The following RAB38 variants were observed in gnomAD, a reference collection of about 807,000 sequenced individuals.
RAB38 encodes RAB38, member RAS oncogene family.
A neutral mutation model predicts 18.4 loss-of-function variants in RAB38; 15 were observed. The observed-to-expected ratio is 0.82, with a 90% CI of 0.55 to 1.26. The LOEUF is 1.26. Ranked by LOEUF, RAB38 falls within the 50% of genes most tolerant of loss-of-function variation. RAB38 has a pLI of 0.00. For missense variants in RAB38, 294 were observed against 267.4 expected (o/e 1.10, Z -0.69); for synonymous variants, 101 against 104.4 (o/e 0.97, Z 0.20).
chr11:88,076,675 G>A, the RAB38 span, among the ~76,000 whole-genome samples: 1 of 151,896 alleles, frequency 6.6e-6, no homozygotes, highest in South Asian at 2.1e-4. Context: ...AATATAGGCT[G>A]GGTGCAGTGG....
chr11:87,883,395 C>A, the RAB38 span, among the ~76,000 whole-genome samples: 1 of 151,864 alleles, frequency 6.6e-6, no homozygotes. Flanking sequence ...GTCACCTTAC[C>A]AAATTCATTT....
chr11:88,025,038 A>G, the RAB38 span, among the ~76,000 whole-genome samples: 1 of 152,134 alleles, frequency 6.6e-6, no homozygotes, highest in African/African-American at 2.4e-5. Flanking sequence ...TTTATAACAC[A>G]AAGTATAAAT....
the RAB38 span, among the ~76,000 whole-genome samples, chr11:87,861,610 CTGAT>C: frequency 6.6e-6 from 1 of 151,780 alleles, no homozygotes; most frequent in African/African-American, 2.4e-5. Flanking sequence ...GTGATACTAT[CTGAT>C]TATTATAAGA....
downstream of RAB38, among the ~76,000 whole-genome samples, chr11:88,111,211 T>A (rs1260027284): frequency 6.6e-6 from 1 of 152,164 alleles, no homozygotes; most frequent in Non-Finnish European, 1.5e-5. Flanking sequence ...CTCGTCCTTA[T>A]CAAGATGTTG....
the RAB38 span, among the ~76,000 whole-genome samples, chr11:87,938,587 T>C: frequency 6.6e-6 from 1 of 151,460 alleles, no homozygotes; most frequent in African/African-American, 2.4e-5. Context: ...AAAGGTTTTT[T>C]TTTCTTTCTT....
At chr11:87,947,989 A>G in the RAB38 span, among the ~76,000 whole-genome samples, 7,988 of 152,156 alleles carry the variant, frequency 0.052, 280 homozygotes, top group East Asian at 0.15. Flanking sequence ...CTTGGGCAGT[A>G]TGGCCATTTT....
chr11:87,856,055 C>G, the RAB38 span, among the ~76,000 whole-genome samples: 1 of 152,128 alleles, frequency 6.6e-6, no homozygotes, highest in East Asian at 1.9e-4. Flanking sequence ...TAATTTCAAA[C>G]TTAAAACAAT....
chr11:87,820,942 T>G, the RAB38 span, among the ~76,000 whole-genome samples: 1 of 152,094 alleles, frequency 6.6e-6, no homozygotes. Context: ...TATCTGAAAC[T>G]AGTATGAAGC....
chr11:88,011,947 T>C, the RAB38 span, among the ~76,000 whole-genome samples: 1 of 152,200 alleles, frequency 6.6e-6, no homozygotes, highest in South Asian at 2.1e-4. Context: ...CGTGTTGTTC[T>C]GCTTTGCCAG....
the RAB38 span, among the ~76,000 whole-genome samples, chr11:88,053,192 CA>C: frequency 9.9e-6 from 1 of 100,626 alleles, no homozygotes; most frequent in Non-Finnish European, 1.9e-5. Flanking sequence ...TATATACACA[CA>C]TATATATGGA....
At chr11:87,898,435 A>G in the RAB38 span, among the ~76,000 whole-genome samples, 1 of 151,712 alleles carries the variant, frequency 6.6e-6, no homozygotes, top group East Asian at 2.0e-4. Context: ...GAGAGTGTAA[A>G]TCTCAGGTGC....
chr11:87,838,420 C>T, the RAB38 span, among the ~76,000 whole-genome samples: 2 of 152,144 alleles, frequency 1.3e-5, no homozygotes, highest in Non-Finnish European at 2.9e-5. Flanking sequence ...GGTCTACTTA[C>T]ATTCATTTTT....
the RAB38 span, among the ~76,000 whole-genome samples, chr11:88,088,325 G>A: frequency 1.3e-5 from 2 of 151,906 alleles, no homozygotes; most frequent in Non-Finnish European, 2.9e-5. Flanking sequence ...AGGTTGTGGT[G>A]TCCTTCTTTT....
chr11:88,057,000 G>A, the RAB38 span, among the ~76,000 whole-genome samples: 1 of 152,208 alleles, frequency 6.6e-6, no homozygotes, highest in East Asian at 1.9e-4. Context: ...GGCTTCTATG[G>A]CCAGGTACTA....
At chr11:87,973,279 A>G in the RAB38 span, among the ~76,000 whole-genome samples, 1 of 152,214 alleles carries the variant, frequency 6.6e-6, no homozygotes, top group African/African-American at 2.4e-5. Context: ...AAAGACTACT[A>G]TAATAATTAT....
chr11:88,073,092 C>T, the RAB38 span, among the ~76,000 whole-genome samples: 22 of 152,128 alleles, frequency 1.4e-4, no homozygotes, highest in South Asian at 4.1e-4. Flanking sequence ...AAAGTGAGGT[C>T]AGGGTGGACA....
intron 1 of RAB38, among the ~76,000 whole-genome samples, chr11:88,156,041 A>C (rs1451120160): frequency 1.3e-5 from 2 of 152,214 alleles, no homozygotes; most frequent in Non-Finnish European, 1.5e-5. Context: ...AAAAATATCA[A>C]ACCTACAAAT....
At chr11:88,132,002 C>T (rs1261680739) in intron 2 of RAB38, among the ~76,000 whole-genome samples, 1 of 152,206 alleles carries the variant, frequency 6.6e-6, no homozygotes, top group Non-Finnish European at 1.5e-5. Context: ...CCTACAACCA[C>T]AAGGAACTGA....
At chr11:87,944,958 C>T in the RAB38 span, among the ~76,000 whole-genome samples, 1 of 152,048 alleles carries the variant, frequency 6.6e-6, no homozygotes, top group Non-Finnish European at 1.5e-5. Context: ...TTATTTAAAC[C>T]TTTGTTTTCT....
Sources: gnomAD v4.1 joint callset for allele counts (sites outside exome capture counted in the v4.1 genomes callset) on GRCh38, gnomAD v4.1.1 for gene constraint, MANE v1.5 for transcripts, NCBI Gene and HGNC (gene_info 2026-07-23, HGNC 2026-07-21) for gene names.